EPHB2: variants seen among roughly 807,000 people sequenced by gnomAD.
The protein encoded by EPHB2 is EPH receptor B2.
EPHB2 carries 18 observed loss-of-function variants against 96.4 expected under a neutral mutation model. That is an observed-to-expected ratio of 0.19 (90% CI 0.13 to 0.28). The LOEUF (loss-of-function observed/expected upper bound fraction) is 0.28, where lower values mean the gene tolerates loss of function less well. EPHB2 is among the 10% of genes least tolerant of loss of function. The pLI, the probability that EPHB2 is intolerant of heterozygous loss-of-function variation, is 1.00. For synonymous variants in EPHB2, 506 were observed against 534.1 expected, an observed-to-expected ratio of 0.95 and a Z score of 0.72; for missense variants, 989 against 1,355.4, an observed-to-expected ratio of 0.73 and a Z score of 4.25.
chr1:22,807,087 G>A (rs1483771454), intron 3 of EPHB2, among the ~76,000 whole-genome samples: 3 of 152,198 alleles, frequency 2.0e-5, no homozygotes, highest in African/African-American at 4.8e-5. Flanking sequence ...CCCACGCTTC[G>A]AGGAACAGCC....
chr1:22,765,286 C>T (rs1268640444), intron 1 of EPHB2, among the ~76,000 whole-genome samples: 2 of 152,082 alleles, frequency 1.3e-5, no homozygotes, highest in African/African-American at 2.4e-5. Flanking sequence ...GTGGTTGACA[C>T]CTGTAATCCC....
chr1:22,803,725 GTA>G (rs1246033558), intron 3 of EPHB2, among the ~76,000 whole-genome samples: 21 of 148,436 alleles, frequency 1.4e-4, no homozygotes, highest in African/African-American at 3.0e-4. Flanking sequence ...GTATATATAT[GTA>G]TATGTGTGTG....
chr1:22,774,711 C>A, intron 1 of EPHB2: 1 of 754,740 alleles, frequency 1.3e-6, no homozygotes, highest in Non-Finnish European at 1.6e-6. Flanking sequence ...CTTCAGGCAG[C>A]AGGAGCTCTG....
chr1:22,911,749 A>C (rs1455998387), intron 14 of EPHB2, among the ~76,000 whole-genome samples: 1 of 152,134 alleles, frequency 6.6e-6, no homozygotes, highest in Non-Finnish European at 1.5e-5. Flanking sequence ...CCAAGTCCTT[A>C]GGAAGGACTT....
At chr1:22,813,656 A>G (rs924125576) in intron 3 of EPHB2, among the ~76,000 whole-genome samples, 3 of 152,230 alleles carry the variant, frequency 2.0e-5, no homozygotes, top group Non-Finnish European at 4.4e-5. Context: ...TCCCAGATGA[A>G]GCATCACTGT....
chr1:22,812,894 A>G (rs1645023088), intron 3 of EPHB2, among the ~76,000 whole-genome samples: 1 of 152,214 alleles, frequency 6.6e-6, no homozygotes, highest in African/African-American at 2.4e-5. Flanking sequence ...ACTGACAGAC[A>G]GGTAAAGGGA....
intron 1 of EPHB2, among the ~76,000 whole-genome samples, chr1:22,745,714 C>T (rs1643964507): frequency 6.6e-6 from 1 of 152,154 alleles, no homozygotes; most frequent in African/African-American, 2.4e-5. Flanking sequence ...TAATTATAAT[C>T]CATGCAGCAG....
chr1:22,732,685 T>C (rs901328894), intron 1 of EPHB2, among the ~76,000 whole-genome samples: 2 of 152,152 alleles, frequency 1.3e-5, no homozygotes, highest in Non-Finnish European at 2.9e-5. Context: ...TGATTTGCAA[T>C]TGGAGGCCCT....
In EPHB2 at chr1:22,868,349, G is replaced by A. The variant is rs540946125; in HGVS notation, c.1303+3137G>A. Among the ~76,000 whole-genome samples the A allele has an allele frequency of 1.1e-4, 16 of 152,230 alleles. No individual in the cohort carries two copies. The South Asian group carries it at 3.3e-3, about 32-fold the overall frequency. ...CGAGGCTTGGCTTTGCCGTTCATTT[G>A]CTGCATGACATTAGCAAATGAACGG... On this transcript the variant is annotated intron_variant, in intron 5 of 15. Coordinates refer to ENST00000374630, the MANE Select transcript of EPHB2 (RefSeq NM_017449.5).
At chr1:22,865,769 C>A (rs1638452548) in intron 5 of EPHB2, among the ~76,000 whole-genome samples, 1 of 152,162 alleles carries the variant, frequency 6.6e-6, no homozygotes, top group South Asian at 2.1e-4. Context: ...TCACTGAGAC[C>A]CAGGAGAGCC....
chr1:22,754,971 C>CAAGGGTCAGGGAAGCTGAGG (rs1644126498), intron 1 of EPHB2, among the ~76,000 whole-genome samples: 1 of 5,238 alleles, frequency 1.9e-4, no homozygotes, highest in African/African-American at 5.3e-4. Flanking sequence ...GAGAGGTGAG[C>CAAGGGTCAGGGAAGCTGAGG]CGAAGGGCCT....
chr1:22,802,832 G>A (rs1236037635), intron 3 of EPHB2, among the ~76,000 whole-genome samples: 1 of 152,196 alleles, frequency 6.6e-6, no homozygotes, highest in East Asian at 1.9e-4. Context: ...TGCCCCTCTA[G>A]AAATGTGTCA....
chr1:22,774,357 C>T (rs960570009), intron 1 of EPHB2, among the ~76,000 whole-genome samples: 2 of 152,136 alleles, frequency 1.3e-5, no homozygotes, highest in Admixed American at 6.5e-5. Flanking sequence ...TGGCACACAT[C>T]GGGTGGAGGA....
chr1:22,713,077 G>A (rs1362292856), intron 1 of EPHB2, among the ~76,000 whole-genome samples: 3 of 152,124 alleles, frequency 2.0e-5, no homozygotes, highest in East Asian at 3.9e-4. Flanking sequence ...GCTGGTGGGC[G>A]CTGACGTCAC....
At chr1:22,883,483 G>A (rs1639116650) in intron 6 of EPHB2, among the ~76,000 whole-genome samples, 1 of 152,234 alleles carries the variant, frequency 6.6e-6, no homozygotes, top group Non-Finnish European at 1.5e-5. Flanking sequence ...GGCTGCAAGG[G>A]CACCTGGGAA....
intron 6 of EPHB2, among the ~76,000 whole-genome samples, chr1:22,888,928 G>A (rs1323584902): frequency 6.6e-6 from 1 of 152,186 alleles, no homozygotes; most frequent in East Asian, 1.9e-4. Flanking sequence ...GCTGAGACGG[G>A]TGGATCATTT....
intron 15 of EPHB2, chr1:22,912,917 G>A (rs547763817): frequency 1.5e-4 from 58 of 396,092 alleles, no homozygotes; most frequent in South Asian, 6.2e-4. Context: ...GCTGGCAGCC[G>A]GGCACAGTGG....
chr1:22,727,508 C>A (rs1010948), intron 1 of EPHB2, among the ~76,000 whole-genome samples: 51,233 of 152,108 alleles, frequency 0.34, 10,177 homozygotes, highest in South Asian at 0.61. Context: ...TCCATCGAGC[C>A]TGGACAACCC....
chr1:22,907,416 G>GC (rs1639953027), intron 11 of EPHB2, among the ~76,000 whole-genome samples: 1 of 152,198 alleles, frequency 6.6e-6, no homozygotes, highest in South Asian at 2.1e-4. Context: ...AGCTCTATAG[G>GC]CTGGTGGGAG....
Sources: gnomAD v4.1 joint callset for allele counts (sites outside exome capture counted in the v4.1 genomes callset) on GRCh38, gnomAD v4.1.1 for gene constraint, MANE v1.5 for transcripts, NCBI Gene and HGNC (gene_info 2026-07-23, HGNC 2026-07-21) for gene names.